The following LCA5 variants were observed in gnomAD, a reference collection of about 807,000 sequenced individuals.
The protein encoded by LCA5 is lebercilin LCA5, also known as lebercilin.
In LCA5, 37 loss-of-function variants were observed where a neutral mutation model predicts 53.0. The ratio of observed to expected loss-of-function variants is 0.70; its 90% CI spans 0.54 to 0.92. The LOEUF (loss-of-function observed/expected upper bound fraction) is 0.92. LCA5 is among the 40% of genes least tolerant of loss of function. LCA5 has a pLI of 0.00. For synonymous variants in LCA5, 303 were observed against 282.9 expected (o/e 1.07, Z -0.71); for missense variants, 806 against 790.5 (o/e 1.02, Z -0.23).
intron 3 of LCA5, among the ~76,000 whole-genome samples, chr6:79,498,985 A>G (rs890707357): frequency 6.6e-6 from 1 of 152,084 alleles, no homozygotes; most frequent in African/African-American, 2.4e-5. Context: ...AAAGTCTCAA[A>G]CAAATATTAG....
In LCA5 at chr6:79,494,485, CATCTT is replaced by C. The variant is rs368793905; in HGVS notation, c.721-740_721-736del. Among the ~76,000 whole-genome samples, 489 of 151,604 alleles carry C rather than the reference CATCTT, an allele frequency of 3.2e-3. 2 individuals are homozygous for C. Among genetic ancestry groups the C allele is most frequent in the African/African-American group, 0.011 (466 of 41,284 alleles). ...TCTAACTTGCGGGCTTTTTTTAAAG[CATCTT>C]ATAGATAGATAGATAGATAGATAAC... On this transcript the variant is annotated intron_variant, in intron 3 of 7. Transcript: ENST00000369846.
Position 79,486,038 on chromosome 6 carries a change from T to A in LCA5, c.*966A>T, listed in dbSNP as rs1769644157. The A allele has an allele frequency of 6.6e-6, 1 of 152,182 alleles. No homozygotes were observed. Among genetic ancestry groups the A allele is most frequent in the African/African-American group, 2.4e-5 (1 of 41,460 alleles). The allele number at this position is 152,182 out of a possible 1,614,324, so 9.4% of individuals were successfully genotyped here. On this transcript the variant is annotated 3_prime_UTR_variant, in exon 8 of 8. Transcript: ENST00000369846. ...TTTAAAACTAATCCTGTAAGTCCAATAGTATTACACTATTGTTGTCTCCTT... is the reference window on the plus strand; with the variant it reads ...TTTAAAACTAATCCTGTAAGTCCAAAAGTATTACACTATTGTTGTCTCCTT...
chr6:79,503,866 T>C (rs1770208746), intron 3 of LCA5, among the ~76,000 whole-genome samples: 1 of 152,096 alleles, frequency 6.6e-6, no homozygotes, highest in Non-Finnish European at 1.5e-5. Flanking sequence ...ATTAACAGTC[T>C]AACTAATAGT....
intron 1 of LCA5, among the ~76,000 whole-genome samples, chr6:79,536,493 T>C (rs1767126224): frequency 1.3e-5 from 2 of 152,240 alleles, no homozygotes; most frequent in African/African-American, 4.8e-5. Context: ...TGTTAAACAC[T>C]ATCCCACGGT....
chr6:79,492,441 T>G (rs1769869871), intron 5 of LCA5, 110 bp downstream of exon 5: 1 of 519,348 alleles, frequency 1.9e-6, no homozygotes, highest in African/African-American at 2.0e-5. Context: ...TACATTTATT[T>G]TAAATATATT....
chr6:79,492,733 T>C, intron 4 of LCA5, 86 bp from the exon 5 acceptor site: 1 of 731,068 alleles, frequency 1.4e-6, no homozygotes, highest in Non-Finnish European at 2.4e-6. Context: ...TGGTATTTTC[T>C]TACCATATTG....
chr6:79,488,228 T>C, intron 7 of LCA5: 1 of 188,150 alleles, frequency 5.3e-6, no homozygotes, highest in African/African-American at 2.4e-5. Context: ...CAATGTCATA[T>C]CCTGAGATAG....
intron 1 of LCA5, among the ~76,000 whole-genome samples, chr6:79,529,980 T>A (rs1361932069): frequency 1.4e-5 from 2 of 139,326 alleles, no homozygotes; most frequent in Admixed American, 1.4e-4. Flanking sequence ...GGGGGAGGGA[T>A]AGCATTAGGA....
At chr6:79,535,284 C>A (rs1045425003) in intron 1 of LCA5, among the ~76,000 whole-genome samples, 1 of 150,640 alleles carries the variant, frequency 6.6e-6, no homozygotes, top group African/African-American at 2.5e-5. Flanking sequence ...GAAACCAAGG[C>A]TCTTCAGTAG....
chr6:79,497,916 T>C (rs1017557756), intron 3 of LCA5, among the ~76,000 whole-genome samples: 4 of 139,038 alleles, frequency 2.9e-5, no homozygotes, highest in Non-Finnish European at 6.0e-5. Flanking sequence ...GAGGTTGCAG[T>C]GAGCCACTCC....
intron 3 of LCA5, among the ~76,000 whole-genome samples, chr6:79,498,009 C>T (rs767857489): frequency 1.3e-5 from 2 of 148,740 alleles, no homozygotes; most frequent in Non-Finnish European, 3.0e-5. Flanking sequence ...AAAAACTGTA[C>T]TACAGACAGT....
At chr6:79,514,742 T>C (rs1766378773) in intron 2 of LCA5, among the ~76,000 whole-genome samples, 1 of 152,182 alleles carries the variant, frequency 6.6e-6, no homozygotes. Context: ...GCCATTATCC[T>C]TAGCAAACTA....
chr6:79,513,321 T>C lies in LCA5; in HGVS notation c.611A>G (p.Gln204Arg). ...SELFRTKFSL[Q>R]KLKEISEARH... ...AGCTTCAGAGATCTCTTTCAGTTTC[T>C]GTAAGGAAAATTTTGTCCTAAATAG... Residue 204 changes from glutamine (Q) to arginine (R), a missense_variant, in exon 3 of 8, where the codon CAG becomes CGG. By Grantham distance (43) the Gln-to-Arg change is conservative (BLOSUM62 1). Transcript: ENST00000369846. 6.2e-7 allele frequency: 1 copy of C among 1,613,934 alleles called. No individual in the cohort carries two copies. The highest frequency in any genetic ancestry group is 1.1e-5 in the South Asian group (1 of 91,074).
chr6:79,519,678 CTG>C lies in LCA5; in HGVS notation c.-191-595_-191-594del, dbSNP rs149433432. Among the ~76,000 whole-genome samples, 357 of 142,332 alleles carry C rather than the reference CTG, an allele frequency of 2.5e-3. 2 individuals carry two copies. Among genetic ancestry groups the C allele is most frequent in the Non-Finnish European group, 4.1e-3 (274 of 66,694 alleles). The allele number at this position is 142,332 out of a possible 152,430, so 93.4% of individuals were successfully genotyped here. On this transcript the variant is annotated intron_variant, in intron 1 of 7. Transcript: ENST00000369846. ...GTTGCAGTTAGCCAAGATGGCGCCA[CTG>C]AACTCCAGCCTGGTGACAGAATGAG...
intron 1 of LCA5, among the ~76,000 whole-genome samples, chr6:79,528,139 T>A (rs1340153971): frequency 6.6e-6 from 1 of 152,198 alleles, no homozygotes; most frequent in Non-Finnish European, 1.5e-5. Flanking sequence ...AAGGAATGCG[T>A]TGCATGTTGG....
chr6:79,488,898 T>C lies in LCA5; in HGVS notation c.1231+186A>G, dbSNP rs972123956. ...AATGACTTAGAGTGTTCAATTTTTT[T>C]CTTTCCTTAATAACATTATTCAAAT... is the stretch of plus-strand genomic sequence containing the variant. On this transcript the variant is annotated intron_variant, in intron 7 of 7. Coordinates refer to ENST00000369846, the MANE Select transcript of LCA5 (RefSeq NM_001122769.3). 1.7e-5 allele frequency: 11 copies of C among 655,178 alleles called. No individual in the cohort carries two copies. The South Asian group carries it at 1.9e-4, about 11-fold the overall frequency. The allele number at this position is 655,178 out of a possible 1,614,324, so 40.6% of individuals were successfully genotyped here. A position where few individuals can be genotyped will look rare whatever the true frequency, so the allele number is the denominator to read the frequency against.
At position 79,513,560 on chromosome 6, in the gene LCA5, G is replaced by C; in HGVS notation, c.372C>G (p.Val124=). ...TTTCTTTTAGCAGCTCAGCTAACTT[G>C]ACCTGGAGTTCAGATACTTCATTCT... ...ELQNEVSELQ[V]KLAELLKENK... The change falls in exon 3 of 8, where the codon GTC becomes GTG. Residue 124 remains valine, a synonymous_variant. Coordinates refer to ENST00000369846, the MANE Select transcript of LCA5 (RefSeq NM_001122769.3). 1 of 1,613,746 alleles carries C rather than the reference G, an allele frequency of 6.2e-7. No individual in the cohort carries two copies. The highest frequency in any genetic ancestry group is 8.5e-7 in the Non-Finnish European group (1 of 1,179,822).
intron 7 of LCA5, chr6:79,488,880 T>TA (rs1769752875): frequency 6.5e-6 from 4 of 619,752 alleles, no homozygotes; most frequent in African/African-American, 5.5e-5. Context: ...GCAAATGACT[T>TA]AGAGTGTTCA....
chr6:79,537,643 G>A (rs549203646), upstream of LCA5, among the ~76,000 whole-genome samples: 6 of 152,298 alleles, frequency 3.9e-5, no homozygotes, highest in East Asian at 1.2e-3. Flanking sequence ...AGGCTCCTAC[G>A]GGCTGTGCGG....
Sources: gnomAD v4.1 joint callset for allele counts (sites outside exome capture counted in the v4.1 genomes callset) on GRCh38, gnomAD v4.1.1 for gene constraint, MANE v1.5 for transcripts, NCBI Gene and HGNC (gene_info 2026-07-23, HGNC 2026-07-21) for gene names.